Variants in LDLRAD3 observed in about 807,000 individuals in gnomAD.
LDLRAD3 encodes low density lipoprotein receptor class A domain containing 3.
A neutral mutation model predicts 29.4 loss-of-function variants in LDLRAD3; 20 were observed. The observed-to-expected ratio is 0.68, with a 90% CI of 0.48 to 0.99. LDLRAD3 has a LOEUF of 0.99. Ranked by LOEUF, LDLRAD3 falls within the 50% of genes least tolerant of loss-of-function variation. LDLRAD3 has a pLI of 0.00. For synonymous variants in LDLRAD3, 157 were observed against 192.7 expected, an observed-to-expected ratio of 0.81 and a Z score of 1.53; for missense variants, 420 against 454.3, an observed-to-expected ratio of 0.92 and a Z score of 0.69.
At chr11:36,152,338 T>C (rs1854289360) in intron 4 of LDLRAD3, among the ~76,000 whole-genome samples, 1 of 152,224 alleles carries the variant, frequency 6.6e-6, no homozygotes, top group Admixed American at 6.5e-5. Flanking sequence ...TAGAGGTTTA[T>C]CTAATTCAGC....
At chr11:36,111,258 T>C (rs923570002) in intron 4 of LDLRAD3, among the ~76,000 whole-genome samples, 1 of 152,162 alleles carries the variant, frequency 6.6e-6, no homozygotes, top group Non-Finnish European at 1.5e-5. Context: ...ACAGGCAGGA[T>C]GAGCCTGGGG....
intron 4 of LDLRAD3, among the ~76,000 whole-genome samples, chr11:36,173,932 C>G (rs74465854): frequency 1.3e-5 from 2 of 152,102 alleles, no homozygotes; most frequent in South Asian, 2.1e-4. Context: ...AAGAGCAAAG[C>G]TGGAGGCATC....
At chr11:36,226,910 C>T (rs923325871) in intron 4 of LDLRAD3, among the ~76,000 whole-genome samples, 175 bp from the exon 5 acceptor site, 1 of 152,134 alleles carries the variant, frequency 6.6e-6, no homozygotes, top group African/African-American at 2.4e-5. Flanking sequence ...GGATGTACCA[C>T]GTTTTGTTTA....
At chr11:36,145,891 C>T (rs1854184922) in intron 4 of LDLRAD3, among the ~76,000 whole-genome samples, 2 of 151,738 alleles carry the variant, frequency 1.3e-5, no homozygotes, top group South Asian at 2.1e-4. Flanking sequence ...GGTCCTCTGC[C>T]TAGGAAAACC....
chr11:35,993,661 C>CA (rs59468652), intron 1 of LDLRAD3, among the ~76,000 whole-genome samples: 4,832 of 61,622 alleles, frequency 0.078, 237 homozygotes, highest in African/African-American at 0.18. Flanking sequence ...GCCAGAGATA[C>CA]AAAAAAAAAA....
intron 2 of LDLRAD3, among the ~76,000 whole-genome samples, chr11:36,039,695 A>G (rs1565179004): frequency 1.3e-5 from 2 of 152,162 alleles, no homozygotes; most frequent in Admixed American, 6.5e-5. Context: ...CACATTCTAT[A>G]TTGAGGATTC....
intron 2 of LDLRAD3, among the ~76,000 whole-genome samples, chr11:36,075,942 A>G (rs1041479050): frequency 1.3e-5 from 2 of 152,188 alleles, no homozygotes; most frequent in Admixed American, 1.3e-4. Flanking sequence ...ATATTTGGAC[A>G]CTTATTTACT....
intron 4 of LDLRAD3, among the ~76,000 whole-genome samples, chr11:36,134,662 G>C (rs1201439383): frequency 6.6e-6 from 1 of 152,238 alleles, no homozygotes; most frequent in Non-Finnish European, 1.5e-5. Context: ...TCAGCTGAAG[G>C]TAGCTGCAGC....
At chr11:36,070,800 G>GC (rs902358259) in intron 2 of LDLRAD3, among the ~76,000 whole-genome samples, 12 of 152,126 alleles carry the variant, frequency 7.9e-5, no homozygotes, top group Non-Finnish European at 1.3e-4. Context: ...CTGCAACACT[G>GC]CCCCAGAGGA....
chr11:36,005,498 C>A (rs998752925), intron 1 of LDLRAD3, among the ~76,000 whole-genome samples: 2 of 152,222 alleles, frequency 1.3e-5, no homozygotes, highest in African/African-American at 4.8e-5. Flanking sequence ...TCACGATCAG[C>A]ATTTTGGTCA....
intron 3 of LDLRAD3, among the ~76,000 whole-genome samples, chr11:36,086,529 CCA>C (rs1853198731): frequency 6.6e-6 from 1 of 152,106 alleles, no homozygotes; most frequent in South Asian, 2.1e-4. Context: ...TATGGCCCTA[CCA>C]GTAGTTTGTG....
At chr11:36,030,956 G>C (rs1354550491) in intron 1 of LDLRAD3, among the ~76,000 whole-genome samples, 1 of 152,228 alleles carries the variant, frequency 6.6e-6, no homozygotes, top group Non-Finnish European at 1.5e-5. Context: ...GCAGCTGTCT[G>C]AGTTTTTGTA....
intron 4 of LDLRAD3, among the ~76,000 whole-genome samples, chr11:36,148,766 G>A (rs1308646167): frequency 6.6e-6 from 1 of 152,178 alleles, no homozygotes; most frequent in Non-Finnish European, 1.5e-5. Context: ...AGGTCTGAGG[G>A]ACATGGTGCA....
At chr11:36,059,099 C>T (rs575710679) in intron 2 of LDLRAD3, among the ~76,000 whole-genome samples, 74 of 152,302 alleles carry the variant, frequency 4.9e-4, no homozygotes, top group African/African-American at 1.7e-3. Context: ...GGTACAGTGG[C>T]TCACACTTGT....
intron 4 of LDLRAD3, among the ~76,000 whole-genome samples, chr11:36,187,758 C>T (rs1196053248): frequency 2.0e-5 from 3 of 152,208 alleles, no homozygotes; most frequent in Admixed American, 6.5e-5. Context: ...TATCCCAAGT[C>T]ATATGTCTGT....
chr11:36,068,206 G>T (rs1025790056), intron 2 of LDLRAD3, among the ~76,000 whole-genome samples: 5 of 152,136 alleles, frequency 3.3e-5, no homozygotes, highest in Non-Finnish European at 7.4e-5. Flanking sequence ...AAAGAGCAAA[G>T]CCTTAGACTG....
chr11:36,197,133 G>T (rs1168717547), intron 4 of LDLRAD3: 1 of 152,138 alleles, frequency 6.6e-6, no homozygotes, highest in Non-Finnish European at 1.5e-5. Context: ...CATGTATGGG[G>T]CATTTTTCTT....
intron 3 of LDLRAD3, among the ~76,000 whole-genome samples, chr11:36,092,146 C>A (rs1853292224): frequency 6.6e-6 from 1 of 152,132 alleles, no homozygotes; most frequent in African/African-American, 2.4e-5. Context: ...TCAGCATGTA[C>A]CTTTTTTGGT....
chr11:36,013,470 C>T (rs1156994039), intron 1 of LDLRAD3, among the ~76,000 whole-genome samples: 1 of 150,358 alleles, frequency 6.7e-6, no homozygotes, highest in African/African-American at 2.5e-5. Flanking sequence ...CCCCCACCCC[C>T]CTACAGGCCC....
Sources: allele counts gnomAD v4.1 joint callset (sites outside exome capture counted in the v4.1 genomes callset), GRCh38; gene constraint gnomAD v4.1.1; transcripts MANE v1.5; gene names NCBI Gene and HGNC (gene_info 2026-07-23, HGNC 2026-07-21).